Variants in CADM3 observed in about 807,000 individuals in gnomAD.
CADM3 encodes the protein TSLC1-like 1.
A neutral mutation model predicts 44.9 loss-of-function variants in CADM3; 11 were observed. That is an observed-to-expected ratio of 0.25 (90% CI 0.15 to 0.41). The LOEUF is 0.41. Ranked by LOEUF, CADM3 falls within the 10% of genes least tolerant of loss-of-function variation. The pLI is 1.00. For missense variants in CADM3, 426 were observed against 512.0 expected (o/e 0.83, Z 1.62); for synonymous variants, 207 against 205.2 (o/e 1.01, Z -0.08).
Position 159,200,940 on chromosome 1 carries a change from C to T in CADM3, c.*18C>T, listed in dbSNP as rs1381258106. The T allele has an allele frequency of 6.4e-7, 1 of 1,568,014 alleles. No individual in the cohort carries two copies. Among genetic ancestry groups the T allele is most frequent in the Non-Finnish European group, 8.7e-7 (1 of 1,153,150 alleles). Reference sequence around the variant, plus strand: ...TCATCTAGAGGCGCCTGCCCACTTCCTGCGCCCCCCAGGGGCCCTGTGGGG... The same window carrying T: ...TCATCTAGAGGCGCCTGCCCACTTCTTGCGCCCCCCAGGGGCCCTGTGGGG... On this transcript the variant is annotated 3_prime_UTR_variant, in exon 9 of 9. Transcript: ENST00000368125.
chr1:159,197,633 G>A (rs2102134524), intron 7 of CADM3: 1 of 152,328 alleles, frequency 6.6e-6, no homozygotes, highest in South Asian at 2.1e-4. Context: ...TCTCAAAGCT[G>A]TGACCACAAA....
rs962792357 is a variant in CADM3, at chr1:159,201,124, G to A, written c.*202G>A. 4 of 308,180 alleles carry A rather than the reference G, an allele frequency of 1.3e-5. No homozygotes were observed. Among genetic ancestry groups the A allele is most frequent in the Non-Finnish European group, 1.8e-5 (3 of 165,736 alleles). The allele number at this position is 308,180 out of a possible 1,614,324, so 19.1% of individuals were successfully genotyped here. A position where few individuals can be genotyped will look rare whatever the true frequency, so the allele number is the denominator to read the frequency against. On this transcript the variant is annotated 3_prime_UTR_variant, in exon 9 of 9. Coordinates refer to ENST00000368125, the MANE Select transcript of CADM3 (RefSeq NM_001127173.3). ...GGGGAGGGAGGAGGGCGGGGGGAGGGGAGGGTTGCCCTCAGCCCTTTCCGT... is the reference window on the plus strand; with the variant it reads ...GGGGAGGGAGGAGGGCGGGGGGAGGAGAGGGTTGCCCTCAGCCCTTTCCGT...
Position 159,197,078 on chromosome 1 carries a change from C to G in CADM3, c.952+18C>G, listed in dbSNP as rs34501755. 8.7e-5 allele frequency: 140 copies of G among 1,609,988 alleles called. No individual in the cohort carries two copies. In the Middle Eastern group the frequency reaches 4.0e-3, roughly 46 times the overall value. ...TGTTAATGGTAAGCCCTCCTCAGTT[C>G]TCTTCCTCCAGAATCTCCTTTCTCT... On this transcript the variant is annotated intron_variant, in intron 7 of 8. Coordinates refer to ENST00000368125, the MANE Select transcript of CADM3 (RefSeq NM_001127173.3).
At position 159,200,909 on chromosome 1, in the gene CADM3, A is replaced by G. The variant is rs770614102; in HGVS notation, c.1184A>G (p.Glu395Gly). 5 of 1,605,586 alleles carry G rather than the reference A, an allele frequency of 3.1e-6. No individual in the cohort carries two copies. The South Asian group carries it at 5.6e-5, about 18-fold the overall frequency. The change falls in exon 9 of 9, where the codon GAA becomes GGA. Residue 395 changes from glutamate to glycine, a missense_variant. This residue lies in a region of CADM3 where 362 missense variants were observed against 474.6 expected (regional missense o/e 0.76). Transcript: ENST00000368125. The stretch of plus-strand genomic sequence containing the variant: ...CAGTCAGGAGGGGACGACAAGAAGG[A>G]ATATTTCATCTAGAGGCGCCTGCCC... ...GGQSGGDDKK[E>G]YFI
At chr1:159,197,864 G>C (rs1009004864) in intron 7 of CADM3, 9 of 152,246 alleles carry the variant, frequency 5.9e-5, no homozygotes, top group African/African-American at 2.2e-4. Flanking sequence ...CCAGCGATAA[G>C]AGGTCTGAGT....
chr1:159,185,069 G>A (rs577640958), intron 1 of CADM3, among the ~76,000 whole-genome samples: 1 of 152,268 alleles, frequency 6.6e-6, no homozygotes, highest in Non-Finnish European at 1.5e-5. Context: ...CAGCCTAGCT[G>A]CTAGAGTGCT....
intron 1 of CADM3, chr1:159,189,743 T>C (rs774331167): frequency 4.6e-6 from 7 of 1,530,994 alleles, no homozygotes; most frequent in Non-Finnish European, 5.4e-6. Context: ...CATGTAGGGC[T>C]CATGCTTGAT....
intron 1 of CADM3, among the ~76,000 whole-genome samples, chr1:159,191,696 A>T (rs1557935621): frequency 6.6e-6 from 1 of 152,224 alleles, no homozygotes; most frequent in Non-Finnish European, 1.5e-5. Flanking sequence ...CATTCAGGAA[A>T]CATTTAACAA....
In CADM3 at chr1:159,196,862, G is replaced by C. The variant is rs886354948; in HGVS notation, c.783-29G>C. ...TTAGCTCCCTGGCCTATGCTCTCCTGAGCTCTTCTGATTTGTCTGCCTCGA... is the reference window on the plus strand; with the variant it reads ...TTAGCTCCCTGGCCTATGCTCTCCTCAGCTCTTCTGATTTGTCTGCCTCGA... On this transcript the variant is annotated intron_variant, in intron 6 of 8. Transcript: ENST00000368125. 3.1e-6 allele frequency: 5 copies of C among 1,608,306 alleles called. No individual in the cohort carries two copies. In the African/African-American group the frequency reaches 5.4e-5, roughly 17 times the overall value.
intron 1 of CADM3, among the ~76,000 whole-genome samples, chr1:159,182,057 G>GACACACACACAC (rs376492660): frequency 5.5e-4 from 79 of 144,080 alleles, no homozygotes; most frequent in African/African-American, 1.9e-3. Context: ...CACACAGACA[G>GACACACACACAC]ACACACACAC....
chr1:159,190,092 C>G (rs1319415885), intron 1 of CADM3, among the ~76,000 whole-genome samples: 2 of 152,134 alleles, frequency 1.3e-5, no homozygotes, highest in African/African-American at 4.8e-5. Flanking sequence ...CTCTGTACAC[C>G]CTACACTTCT....
chr1:159,200,568 C>T (rs1415118902), intron 8 of CADM3, among the ~76,000 whole-genome samples: 3 of 151,412 alleles, frequency 2.0e-5, no homozygotes, highest in Admixed American at 1.3e-4. Context: ...CTCTTTCTTG[C>T]TTTGTATTAT....
At chr1:159,182,839 A>G (rs954884511) in intron 1 of CADM3, among the ~76,000 whole-genome samples, 5 of 152,212 alleles carry the variant, frequency 3.3e-5, no homozygotes, top group Admixed American at 3.3e-4. Context: ...TAAAGTTTGG[A>G]TAGGGGAAAA....
intron 5 of CADM3, 80 bp from the exon 6 acceptor site, chr1:159,196,284 A>C (rs1649886868): frequency 9.4e-7 from 1 of 1,058,300 alleles, no homozygotes; most frequent in African/African-American, 1.6e-5. Flanking sequence ...TAGAGGTAGA[A>C]GCTGTAGTGT....
intron 1 of CADM3, among the ~76,000 whole-genome samples, chr1:159,177,037 G>A (rs1192048304): frequency 6.6e-6 from 1 of 152,102 alleles, no homozygotes; most frequent in Non-Finnish European, 1.5e-5. Flanking sequence ...CCTACCTGAC[G>A]AAAATACATA....
In CADM3 at chr1:159,189,830, A is replaced by C. The variant is rs3026985; in HGVS notation, c.89-2106A>C. 3.1e-5 allele frequency: 50 copies of C among 1,606,958 alleles called. No individual in the cohort carries two copies. In the African/African-American group the frequency reaches 5.6e-4, roughly 18 times the overall value. On this transcript the variant is annotated intron_variant, in intron 1 of 8. Transcript: ENST00000368125. ...TCTGGCTCCACTCGACGAGGCCATCAGCTCCACAGTCTGGAGCAGCCCTGA... is the reference window on the plus strand; with the variant it reads ...TCTGGCTCCACTCGACGAGGCCATCCGCTCCACAGTCTGGAGCAGCCCTGA...
At position 159,192,579 on chromosome 1, in the gene CADM3, C is replaced by G. The variant is rs754971531; in HGVS notation, c.231C>G (p.Ala77=). The G allele has an allele frequency of 1.4e-5, 22 of 1,614,054 alleles. No individual in the cohort carries two copies. The highest frequency in any genetic ancestry group is 1.6e-4 in the Middle Eastern group (1 of 6,082). ...QQTLYFGEKR[A]LRDNRIQLVT... ...TTTCCATTCTCTTGATTTCCCCAGC[C>G]CTTCGAGATAATCGAATTCAGCTGG... The change falls in exon 3 of 9, where the codon GCC becomes GCG. Residue 77 remains alanine (A), a splice_region_variant and synonymous_variant. Transcript: ENST00000368125.
intron 1 of CADM3, among the ~76,000 whole-genome samples, chr1:159,183,055 A>C (rs1299781183): frequency 6.6e-6 from 1 of 152,180 alleles, no homozygotes; most frequent in Non-Finnish European, 1.5e-5. Flanking sequence ...CAAAGCAGAA[A>C]ACAAAAGCCT....
chr1:159,181,688 C>G (rs1649233560), intron 1 of CADM3, among the ~76,000 whole-genome samples: 2 of 152,218 alleles, frequency 1.3e-5, no homozygotes, highest in Admixed American at 6.5e-5. Flanking sequence ...GTTCTCCTTG[C>G]TACAACTCAG....
Sources: gnomAD v4.1 joint callset for allele counts (sites outside exome capture counted in the v4.1 genomes callset) on GRCh38, gnomAD v4.1.1 for gene constraint, gnomAD v4.1.1 regional missense constraint, MANE v1.5 for transcripts, NCBI Gene and HGNC (gene_info 2026-07-23, HGNC 2026-07-21) for gene names.